AUH: variants seen among roughly 807,000 people sequenced by gnomAD.
AUH encodes the protein methylglutaconyl-CoA hydratase, mitochondrial.
A neutral mutation model predicts 42.3 loss-of-function variants in AUH; 29 were observed. The observed-to-expected ratio is 0.69, with a 90% confidence interval of 0.51 to 0.93. The LOEUF is 0.93. Ranked by LOEUF, AUH falls within the 40% of genes least tolerant of loss-of-function variation. AUH has a pLI of 0.00. For missense variants in AUH, 452 were observed against 438.1 expected (o/e 1.03, Z -0.28); for synonymous variants, 174 against 166.4 (o/e 1.05, Z -0.35).
At chr9:91,225,182 T>A (rs1010058250) in intron 6 of AUH, among the ~76,000 whole-genome samples, 1 of 152,150 alleles carries the variant, frequency 6.6e-6, no homozygotes, top group African/African-American at 2.4e-5. Flanking sequence ...AACATCCCAA[T>A]CCAAAAGATG....
At chr9:91,297,081 T>C (rs958447474) in intron 5 of AUH, among the ~76,000 whole-genome samples, 1 of 152,356 alleles carries the variant, frequency 6.6e-6, no homozygotes, top group Non-Finnish European at 1.5e-5. Context: ...TGAGTCTCTA[T>C]GGATATAGTG....
chr9:91,223,387 G>A (rs1827246016), intron 6 of AUH, among the ~76,000 whole-genome samples: 1 of 151,780 alleles, frequency 6.6e-6, no homozygotes, highest in South Asian at 2.1e-4. Context: ...CTCTGTTGTA[G>A]CATGTGTCAG....
In AUH at chr9:91,279,795, G is replaced by A. The variant is rs1316967214; in HGVS notation, c.655+16226C>T. Among the ~76,000 whole-genome samples the A allele has an allele frequency of 2.6e-5, 4 of 152,150 alleles. No homozygotes were observed. The East Asian group carries it at 7.7e-4, about 29-fold the overall frequency. ...ATATCTAAACTCTATCACAAGCCAAGAGGGACCTCACTCCAAAGCACATGC... is the reference window on the plus strand; with the variant it reads ...ATATCTAAACTCTATCACAAGCCAAAAGGGACCTCACTCCAAAGCACATGC... On this transcript the variant is annotated intron_variant, in intron 6 of 9. Transcript: ENST00000375731.
chr9:91,249,059 G>A (rs1828960393), intron 6 of AUH, among the ~76,000 whole-genome samples: 1 of 152,026 alleles, frequency 6.6e-6, no homozygotes, highest in African/African-American at 2.4e-5. Flanking sequence ...CACTCTGGGA[G>A]GCCAAGGTGG....
chr9:91,221,970 C>G (rs1229774137), intron 6 of AUH, among the ~76,000 whole-genome samples: 1 of 152,206 alleles, frequency 6.6e-6, no homozygotes, highest in Non-Finnish European at 1.5e-5. Flanking sequence ...TCACCTAAAT[C>G]TCACCCTATC....
At chr9:91,269,667 G>A (rs911835278) in intron 6 of AUH, among the ~76,000 whole-genome samples, 5 of 152,054 alleles carry the variant, frequency 3.3e-5, no homozygotes, top group Admixed American at 6.6e-5. Context: ...TTAAAATTAC[G>A]AGAAGGAAAA....
intron 4 of AUH, among the ~76,000 whole-genome samples, chr9:91,315,403 A>G (rs1829078806): frequency 6.6e-6 from 1 of 152,142 alleles, no homozygotes; most frequent in Admixed American, 6.5e-5. Context: ...CAGCTTATTG[A>G]CTATGTATAC....
intron 9 of AUH, 100 bp from the exon 10 acceptor site, chr9:91,214,525 A>C: frequency 2.0e-6 from 2 of 1,021,740 alleles, no homozygotes; most frequent in Admixed American, 4.9e-5. Flanking sequence ...ACATTCTAAA[A>C]TTTTGAAATC....
intron 6 of AUH, among the ~76,000 whole-genome samples, chr9:91,269,718 C>G (rs1417248655): frequency 6.6e-6 from 1 of 152,096 alleles, no homozygotes; most frequent in Non-Finnish European, 1.5e-5. Flanking sequence ...CTACATGATA[C>G]AAAATGCAGT....
chr9:91,224,478 T>C (rs913206296), intron 6 of AUH, among the ~76,000 whole-genome samples: 6 of 152,192 alleles, frequency 3.9e-5, no homozygotes, highest in African/African-American at 1.4e-4. Flanking sequence ...ACCTCTTTTT[T>C]CTCTTGTTGC....
At chr9:91,236,707 C>CA (rs1828206431) in intron 6 of AUH, among the ~76,000 whole-genome samples, 1 of 152,122 alleles carries the variant, frequency 6.6e-6, no homozygotes, top group Admixed American at 6.5e-5. Flanking sequence ...GAGATCCCTG[C>CA]AGGTGCAGTC....
intron 6 of AUH, among the ~76,000 whole-genome samples, chr9:91,285,797 T>C (rs959748290): frequency 1.3e-5 from 2 of 152,152 alleles, no homozygotes; most frequent in Non-Finnish European, 2.9e-5. Flanking sequence ...TGAGACTTCA[T>C]AGTGTGTGCT....
intron 4 of AUH, among the ~76,000 whole-genome samples, chr9:91,304,242 C>T (rs1828039330): frequency 6.6e-6 from 1 of 152,102 alleles, no homozygotes; most frequent in South Asian, 2.1e-4. Flanking sequence ...CTCTCACATG[C>T]TTTTTTATAC....
At chr9:91,295,996 A>C in intron 6 of AUH, 25 bp downstream of exon 6, 2 of 1,613,500 alleles carry the variant, frequency 1.2e-6, no homozygotes, top group Non-Finnish European at 1.7e-6. Flanking sequence ...CAAGGATTTG[A>C]GGAATGGGCG....
intron 6 of AUH, among the ~76,000 whole-genome samples, chr9:91,227,265 C>T (rs1488713970): frequency 1.4e-5 from 2 of 141,184 alleles, no homozygotes; most frequent in African/African-American, 5.0e-5. Context: ...AGAGGTCGTT[C>T]ACATCCCTTG....
chr9:91,226,250 G>A (rs1242641661), intron 6 of AUH, among the ~76,000 whole-genome samples: 1 of 151,390 alleles, frequency 6.6e-6, no homozygotes, highest in Non-Finnish European at 1.5e-5. Context: ...ATTCTAACTG[G>A]TGTAAGATGG....
intron 6 of AUH, among the ~76,000 whole-genome samples, chr9:91,280,380 A>G (rs1825868909): frequency 6.6e-6 from 1 of 152,216 alleles, no homozygotes; most frequent in African/African-American, 2.4e-5. Context: ...CTGCTGGATA[A>G]TAAGAAAGTA....
intron 4 of AUH, among the ~76,000 whole-genome samples, chr9:91,319,657 G>A (rs1425548790): frequency 6.6e-6 from 1 of 152,212 alleles, no homozygotes; most frequent in Non-Finnish European, 1.5e-5. Flanking sequence ...GGAACACGGG[G>A]CTGCAAAGTG....
At chr9:91,307,302 C>T (rs1335408081) in intron 4 of AUH, among the ~76,000 whole-genome samples, 1 of 152,098 alleles carries the variant, frequency 6.6e-6, no homozygotes, top group Non-Finnish European at 1.5e-5. Flanking sequence ...ATAAAGTCAA[C>T]AAAAGAAAGT....
Sources: allele counts gnomAD v4.1 joint callset (sites outside exome capture counted in the v4.1 genomes callset), GRCh38; gene constraint gnomAD v4.1.1; transcripts MANE v1.5; gene names NCBI Gene and HGNC (gene_info 2026-07-23, HGNC 2026-07-21).